The following SLC35F3 variants were observed in gnomAD, a reference collection of about 807,000 sequenced individuals.
The protein encoded by SLC35F3 is putative thiamine transporter SLC35F3.
A neutral mutation model predicts 49.9 loss-of-function variants in SLC35F3; 25 were observed. The observed-to-expected ratio is 0.50, with a 90% CI of 0.37 to 0.70. SLC35F3 has a LOEUF of 0.70. SLC35F3 is among the 30% of genes least tolerant of loss of function. The pLI is 0.00. For synonymous variants in SLC35F3, 275 were observed against 265.4 expected (o/e 1.04, Z -0.35); for missense variants, 525 against 639.8 (o/e 0.82, Z 1.94).
At chr1:233,976,880 G>A (rs1412192698) in intron 2 of SLC35F3, among the ~76,000 whole-genome samples, 1 of 152,120 alleles carries the variant, frequency 6.6e-6, no homozygotes, top group Non-Finnish European at 1.5e-5. Flanking sequence ...CCAAGTGCTG[G>A]AATTACAGGC....
chr1:234,189,640 A>G (rs1388141378), intron 2 of SLC35F3, among the ~76,000 whole-genome samples: 1 of 152,110 alleles, frequency 6.6e-6, no homozygotes, highest in Admixed American at 6.5e-5. Context: ...TTTGGAAGAC[A>G]TATTTGGGGG....
intron 2 of SLC35F3, among the ~76,000 whole-genome samples, chr1:234,229,984 C>T (rs541306064): frequency 2.0e-5 from 3 of 152,330 alleles, no homozygotes; most frequent in South Asian, 4.1e-4. Context: ...CAGGAACAGA[C>T]GGCTTGTCAG....
chr1:234,323,529 C>A lies in SLC35F3; in HGVS notation c.*286C>A, dbSNP rs543057702. ...TAGATCGTTTTGGATGGCTGACGTT[C>A]TTGACAAGCCAGCCATCAGGGCAAG... On this transcript the variant is annotated 3_prime_UTR_variant, in exon 8 of 8. Transcript: ENST00000366618. This position sits in a 1 kb window ranked among gnomAD's most constrained non-coding sequence, Gnocchi z 4.5. The A allele has an allele frequency of 3.2e-5, 14 of 440,020 alleles. No individual in the cohort carries two copies. The Admixed American group carries it at 4.7e-4, about 15-fold the overall frequency. 27.3% of individuals were successfully genotyped at this position (440,020 alleles called of 1,614,324 possible).
chr1:233,971,712 C>T (rs1361767467), intron 2 of SLC35F3, among the ~76,000 whole-genome samples: 10 of 102,772 alleles, frequency 9.7e-5, no homozygotes, highest in South Asian at 3.4e-4. Context: ...AGCGAGACTC[C>T]GACTCAAAAA....
Position 234,070,252 on chromosome 1 carries a change from C to T in SLC35F3, c.284-161165C>T, listed in dbSNP as rs532129990. Reference sequence around the variant, plus strand: ...TGACCTTCCTTCATACAGCAGGTTCCTGGAAGGCCTACCTGCTGGCTCTAG... The same window carrying T: ...TGACCTTCCTTCATACAGCAGGTTCTTGGAAGGCCTACCTGCTGGCTCTAG... On this transcript the variant is annotated intron_variant, in intron 2 of 7. Coordinates refer to ENST00000366618, the MANE Select transcript of SLC35F3 (RefSeq NM_173508.4). Among the ~76,000 whole-genome samples, 18 of 152,278 alleles carry T rather than the reference C, an allele frequency of 1.2e-4. No individual in the cohort carries two copies. The South Asian group carries it at 1.9e-3, about 16-fold the overall frequency.
intron 2 of SLC35F3, among the ~76,000 whole-genome samples, chr1:233,914,009 A>G (rs1398466308): frequency 6.6e-6 from 1 of 152,180 alleles, no homozygotes; most frequent in Non-Finnish European, 1.5e-5. Flanking sequence ...AGAACGTGAC[A>G]TGTCTTCATG....
At chr1:234,068,850 T>TATATATATATATAC (rs1664661742) in intron 2 of SLC35F3, among the ~76,000 whole-genome samples, 1 of 131,510 alleles carries the variant, frequency 7.6e-6, no homozygotes, top group Non-Finnish European at 1.6e-5. Context: ...TATATATATA[T>TATATATATATATAC]ATATATGGCA....
chr1:233,997,626 G>A (rs1341759766), intron 2 of SLC35F3, among the ~76,000 whole-genome samples: 3 of 152,180 alleles, frequency 2.0e-5, no homozygotes, highest in East Asian at 3.9e-4. Context: ...CTCCCTGGGG[G>A]CACACCATTC....
chr1:234,322,650 CGT>C (rs55827503), intron 7 of SLC35F3, among the ~76,000 whole-genome samples: 4,608 of 144,752 alleles, frequency 0.032, 105 homozygotes, highest in South Asian at 0.064. Flanking sequence ...GGGTCAAATG[CGT>C]GTGTGTGTGT....
At chr1:234,249,390 G>A (rs1216853830) in intron 3 of SLC35F3, among the ~76,000 whole-genome samples, 1 of 152,214 alleles carries the variant, frequency 6.6e-6, no homozygotes, top group Non-Finnish European at 1.5e-5. Flanking sequence ...AGGAGGCCGG[G>A]CTGTGTGTGA....
chr1:234,181,338 G>GAA (rs34757532), intron 2 of SLC35F3, among the ~76,000 whole-genome samples: 33 of 97,306 alleles, frequency 3.4e-4, no homozygotes, highest in African/African-American at 7.7e-4. Flanking sequence ...TCTGTCTCAA[G>GAA]AAAAAAAAAA....
chr1:233,972,235 C>A (rs1663007553), intron 2 of SLC35F3, among the ~76,000 whole-genome samples: 1 of 152,166 alleles, frequency 6.6e-6, no homozygotes, highest in African/African-American at 2.4e-5. Flanking sequence ...CTCAGTGTCC[C>A]CAGGATTAAA....
At chr1:234,177,441 T>G (rs1666493026) in intron 2 of SLC35F3, among the ~76,000 whole-genome samples, 1 of 152,172 alleles carries the variant, frequency 6.6e-6, no homozygotes, top group African/African-American at 2.4e-5. Context: ...AGAACAGAGC[T>G]AAACTCTCTT....
intron 2 of SLC35F3, among the ~76,000 whole-genome samples, chr1:233,972,488 G>A (rs943322972): frequency 1.3e-5 from 2 of 152,192 alleles, no homozygotes; most frequent in African/African-American, 4.8e-5. Context: ...TTCTATAGCA[G>A]TGTGACTCCT....
At chr1:234,256,534 CCTCCT>C (rs1263344423) in intron 3 of SLC35F3, among the ~76,000 whole-genome samples, 2 of 152,154 alleles carry the variant, frequency 1.3e-5, no homozygotes, top group African/African-American at 2.4e-5. Context: ...CCTCATGACT[CCTCCT>C]CTCTTTTGTG....
At chr1:234,249,678 C>CA (rs1315388235) in intron 3 of SLC35F3, among the ~76,000 whole-genome samples, 3 of 152,188 alleles carry the variant, frequency 2.0e-5, no homozygotes, top group Admixed American at 6.5e-5. Context: ...ATTATGTAGT[C>CA]ATCCTAAGGG....
Position 233,908,536 on chromosome 1 carries a change from CTTTTTT to C in SLC35F3, c.283+2798_283+2803del, listed in dbSNP as rs898041195. The stretch of plus-strand genomic sequence containing the variant: ...AGACAAGAGAATTTTGTAAAGGATT[CTTTTTT>C]TTTTTTTTTTTTTTTTTTTGACAGA... On this transcript the variant is annotated intron_variant, in intron 2 of 7. Transcript: ENST00000366618. 1.1e-3 allele frequency among the ~76,000 whole-genome samples: 94 copies of C among 84,896 alleles called. 1 individual carries two copies. Among genetic ancestry groups the C allele is most frequent in the African/African-American group, 4.1e-3 (90 of 21,918 alleles). 55.7% of individuals were successfully genotyped at this position (84,896 alleles called of 152,430 possible). A position where few individuals can be genotyped will look rare whatever the true frequency, so the allele number is the denominator to read the frequency against.
chr1:234,076,184 A>C (rs983282507), intron 2 of SLC35F3, among the ~76,000 whole-genome samples: 1 of 152,180 alleles, frequency 6.6e-6, no homozygotes, highest in Non-Finnish European at 1.5e-5. Context: ...AAAGTTAAAA[A>C]GCTATGAAAT....
At chr1:234,235,541 A>C (rs930109047) in intron 3 of SLC35F3, among the ~76,000 whole-genome samples, 3 of 152,222 alleles carry the variant, frequency 2.0e-5, no homozygotes, top group African/African-American at 7.2e-5. Context: ...CAGATCTGAG[A>C]GGTCAGCAGA....
Sources: gnomAD v4.1 joint callset for allele counts (sites outside exome capture counted in the v4.1 genomes callset) on GRCh38, gnomAD v4.1.1 for gene constraint, Gnocchi (gnomAD v3.1) non-coding constraint, MANE v1.5 for transcripts, NCBI Gene and HGNC (gene_info 2026-07-23, HGNC 2026-07-21) for gene names.